Variants in ST6GALNAC1 observed in about 807,000 individuals in gnomAD.
ST6GALNAC1 encodes the protein ST6 N-acetylgalactosaminide alpha-2,6-sialyltransferase 1, also known as alpha-N-acetylgalactosaminide alpha-2,6-sialyltransferase 1.
Under a neutral mutation model 56.8 loss-of-function variants are expected in ST6GALNAC1, and 45 were observed. The observed-to-expected ratio is 0.79, with a 90% CI of 0.62 to 1.02. ST6GALNAC1 has a LOEUF of 1.02. ST6GALNAC1 is among the 50% of genes least tolerant of loss of function. The probability of loss-of-function intolerance (pLI) is 0.00; values close to 1 mark genes in which losing one functional copy is unlikely to be tolerated. For missense variants in ST6GALNAC1, 743 were observed against 754.8 expected (o/e 0.98, Z 0.18); for synonymous variants, 295 against 297.8 (o/e 0.99, Z 0.10).
chr17:76,626,836 A>T, intron 4 of ST6GALNAC1, 47 bp from the exon 5 acceptor site: 1 of 1,607,528 alleles, frequency 6.2e-7, no homozygotes, highest in Non-Finnish European at 8.5e-7. Context: ...CAGAGGAGGG[A>T]GATTTGTGTA....
At chr17:76,624,719 G>C (rs2075772207), downstream of ST6GALNAC1, 1 of 152,836 alleles carries the variant, frequency 6.5e-6, no homozygotes, top group South Asian at 2.1e-4. Flanking sequence ...AAGGGACCAT[G>C]TGCAAAACTG....
intron 1 of ST6GALNAC1, among the ~76,000 whole-genome samples, chr17:76,638,913 C>T (rs965720529): frequency 6.6e-6 from 1 of 152,134 alleles, no homozygotes; most frequent in Non-Finnish European, 1.5e-5. Flanking sequence ...TGCTACACTC[C>T]TCCCACCATC....
Position 76,643,546 on chromosome 17 carries a change from C to T in ST6GALNAC1, c.93G>A (p.Leu31=). 1 of 1,614,056 alleles carries T rather than the reference C, an allele frequency of 6.2e-7. No homozygotes were observed. Among genetic ancestry groups the T allele is most frequent in the Middle Eastern group, 1.7e-4 (1 of 6,060 alleles). ...TTTGAGGCTCCTTAATAAAAGAGGGCAAGGCGAAGAGAAAGAAGACCAGGA... is the reference window on the plus strand; with the variant it reads ...TTTGAGGCTCCTTAATAAAAGAGGGTAAGGCGAAGAGAAAGAAGACCAGGA... ...LAVLVFFLFA[L]PSFIKEPQTK... The change falls in exon 1 of 9, where the codon TTG becomes TTA. Residue 31 remains leucine, a synonymous_variant. Coordinates refer to ENST00000156626, the MANE Select transcript of ST6GALNAC1 (RefSeq NM_018414.5).
At chr17:76,620,623 T>C (rs571418782), downstream of ST6GALNAC1, among the ~76,000 whole-genome samples, 3 of 151,838 alleles carry the variant, frequency 2.0e-5, no homozygotes, top group Non-Finnish European at 4.4e-5. Flanking sequence ...TCACCCAGGC[T>C]GAAATGCAGT....
chr17:76,625,445 A>G lies in ST6GALNAC1; in HGVS notation c.1688T>C (p.Phe563Ser). Residue 563 changes from phenylalanine to serine, a missense_variant, in exon 9 of 9, where the codon TTT becomes TCT. Transcript: ENST00000156626. ...YYDTSWKRLI[F>S]YINHDFKLER... ...CAGCTTGAAGTCATGGTTTATGTAAAAGATCAGCCGCTTCCATGATGTATC... is the reference window on the plus strand; with the variant it reads ...CAGCTTGAAGTCATGGTTTATGTAAGAGATCAGCCGCTTCCATGATGTATC... 1 of 1,614,122 alleles carries G rather than the reference A, an allele frequency of 6.2e-7. No individual in the cohort carries two copies. The highest frequency in any genetic ancestry group is 8.5e-7 in the Non-Finnish European group (1 of 1,180,016).
At chr17:76,635,938 G>A (rs2075968571) in intron 1 of ST6GALNAC1, among the ~76,000 whole-genome samples, 1 of 152,204 alleles carries the variant, frequency 6.6e-6, no homozygotes, top group Non-Finnish European at 1.5e-5. Flanking sequence ...TAGGGAGGCA[G>A]TTCTGCTCGG....
In ST6GALNAC1 at chr17:76,642,922, CAA is replaced by C. The variant is rs59053510; in HGVS notation, c.131+584_131+585del. The stretch of plus-strand genomic sequence containing the variant: ...CCGGCAGCAGAGTGAGACTCCGTCT[CAA>C]AAAAAAAAAAAAAAAAAAGAGGGCC... On this transcript the variant is annotated intron_variant, in intron 1 of 8. Coordinates refer to ENST00000156626, the MANE Select transcript of ST6GALNAC1 (RefSeq NM_018414.5). Among the ~76,000 whole-genome samples the C allele has an allele frequency of 8.0e-3, 695 of 87,206 alleles. 1 individual carries two copies. Among genetic ancestry groups the C allele is most frequent in the South Asian group, 0.013 (32 of 2,556 alleles). 57.2% of individuals were successfully genotyped at this position (87,206 alleles called of 152,430 possible). A position where few individuals can be genotyped will look rare whatever the true frequency, so the allele number is the denominator to read the frequency against.
chr17:76,621,888 T>C (rs992879914), downstream of ST6GALNAC1, among the ~76,000 whole-genome samples: 1 of 152,252 alleles, frequency 6.6e-6, no homozygotes. Context: ...GCCTGATTCA[T>C]TGTTTCTTTG....
Position 76,627,038 on chromosome 17 carries a change from G to A in ST6GALNAC1, c.1172+29C>T, listed in dbSNP as rs759657932. On this transcript the variant is annotated intron_variant, in intron 4 of 8. Coordinates refer to ENST00000156626, the MANE Select transcript of ST6GALNAC1 (RefSeq NM_018414.5). The surrounding 1 kb of genome is among the most constrained non-coding windows in gnomAD (Gnocchi z 4.4). ...GCTGGAGGGGGCAGGAGAGGGGCTG[G>A]AGAGGGAGCTTGGGTGGGGACAGCT... The A allele has an allele frequency of 2.0e-6, 3 of 1,533,214 alleles. No homozygotes were observed. In the Admixed American group the frequency reaches 6.1e-5, roughly 31 times the overall value. 95.0% of individuals were successfully genotyped at this position (1,533,214 alleles called of 1,614,324 possible).
At chr17:76,623,737 C>T (rs1330664002), downstream of ST6GALNAC1, among the ~76,000 whole-genome samples, 6 of 152,132 alleles carry the variant, frequency 3.9e-5, no homozygotes, top group African/African-American at 7.2e-5. Flanking sequence ...TCTAATTGAC[C>T]TATCTTTTCT....
chr17:76,621,215 A>C (rs2075737567), downstream of ST6GALNAC1, among the ~76,000 whole-genome samples: 2 of 111,982 alleles, frequency 1.8e-5, no homozygotes, highest in Non-Finnish European at 1.7e-5. Context: ...ATGGAGTCTC[A>C]CTCTGTCACC....
chr17:76,620,846 C>T (rs1049355953), downstream of ST6GALNAC1, among the ~76,000 whole-genome samples: 2 of 152,242 alleles, frequency 1.3e-5, no homozygotes, highest in South Asian at 2.1e-4. Flanking sequence ...CCACCCGCCT[C>T]GGCCTCCCAA....
chr17:76,622,255 T>TAG (rs1442777999), downstream of ST6GALNAC1, among the ~76,000 whole-genome samples: 1 of 150,310 alleles, frequency 6.7e-6, no homozygotes, highest in Non-Finnish European at 1.5e-5. Flanking sequence ...TCCTTTACTA[T>TAG]ATATATATAT....
chr17:76,626,813 C>T (rs770439593), intron 4 of ST6GALNAC1, 24 bp from the exon 5 acceptor site: 31 of 1,613,654 alleles, frequency 1.9e-5, no homozygotes, highest in African/African-American at 5.3e-5. Context: ...CACAATCAGA[C>T]GGGACAGGTG....
chr17:76,642,099 A>G (rs2076055886), intron 1 of ST6GALNAC1, among the ~76,000 whole-genome samples: 2 of 151,522 alleles, frequency 1.3e-5, no homozygotes, highest in African/African-American at 2.4e-5. Flanking sequence ...ATATCAATAT[A>G]TAGCGTATAT....
In ST6GALNAC1 at chr17:76,627,188, G is replaced by T. The variant is rs779490036; in HGVS notation, c.1051C>A (p.Leu351Ile). ...CTCCCAGCGGGGAGGCTGGCCAGGAGCAGCTGCTGCTGGGGCACTGGAGGG... is the reference window on the plus strand; with the variant it reads ...CTCCCAGCGGGGAGGCTGGCCAGGATCAGCTGCTGCTGGGGCACTGGAGGG... ...RFPPVPQQQL[L>I]LASLPAGSLR... Residue 351 changes from leucine (L) to isoleucine (I), a missense_variant, in exon 4 of 9, where the codon CTC (leucine) becomes ATC (isoleucine). Leu to Ile is a conservative substitution (Grantham distance 5). Transcript: ENST00000156626. This position sits in a 1 kb window ranked among gnomAD's most constrained non-coding sequence, Gnocchi z 4.4. 1 of 1,600,528 alleles carries T rather than the reference G, an allele frequency of 6.2e-7. No homozygotes were observed. The highest frequency in any genetic ancestry group is 1.7e-5 in the Admixed American group (1 of 58,192).
At chr17:76,641,365 A>C (rs954806826) in intron 1 of ST6GALNAC1, among the ~76,000 whole-genome samples, 1 of 152,178 alleles carries the variant, frequency 6.6e-6, no homozygotes, top group Admixed American at 6.6e-5. Flanking sequence ...CTGCATTTAG[A>C]AGTATTGTAA....
Position 76,628,992 on chromosome 17 carries a change from G to A in ST6GALNAC1, c.831+20C>T. 6.6e-7 allele frequency: 1 copy of A among 1,520,030 alleles called. No homozygotes were observed. Among genetic ancestry groups the A allele is most frequent in the South Asian group, 1.3e-5 (1 of 74,440 alleles). The allele number at this position is 1,520,030 out of a possible 1,614,324, so 94.2% of individuals were successfully genotyped here. A position where few individuals can be genotyped will look rare whatever the true frequency, so the allele number is the denominator to read the frequency against. On this transcript the variant is annotated intron_variant, in intron 2 of 8. Coordinates refer to ENST00000156626, the MANE Select transcript of ST6GALNAC1 (RefSeq NM_018414.5). ...TTCAGAGCTGGGAGCCAGAGGGAAG[G>A]CGTGGTGGCAAAAACTCACCGTCTG...
In ST6GALNAC1 at chr17:76,627,328, G is replaced by C; in HGVS notation, c.1000+87C>G. 6.3e-7 allele frequency: 1 copy of C among 1,576,766 alleles called. No individual in the cohort carries two copies. Among genetic ancestry groups the C allele is most frequent in the Non-Finnish European group, 8.6e-7 (1 of 1,160,576 alleles). ...CCTCCCAGGTCTGGCAAACCCCAGG[G>C]AAGAGGCAGACCAGAAAGCCAGCTG... On this transcript the variant is annotated intron_variant, in intron 3 of 8. Coordinates refer to ENST00000156626, the MANE Select transcript of ST6GALNAC1 (RefSeq NM_018414.5). The surrounding 1 kb of genome is among the most constrained non-coding windows in gnomAD (Gnocchi z 4.4).
Sources: allele counts gnomAD v4.1 joint callset (sites outside exome capture counted in the v4.1 genomes callset), GRCh38; gene constraint gnomAD v4.1.1; non-coding constraint Gnocchi (gnomAD v3.1); transcripts MANE v1.5; gene names NCBI Gene and HGNC (gene_info 2026-07-23, HGNC 2026-07-21).